ZNF561: variants seen among roughly 807,000 people sequenced by gnomAD.
ZNF561 encodes zinc finger protein 561.
ZNF561 carries 16 observed loss-of-function variants against 16.7 expected under a neutral mutation model. The observed-to-expected ratio is 0.96, with a 90% CI of 0.65 to 1.45. The LOEUF is 1.45. ZNF561 is among the 40% of genes most tolerant of loss of function. The pLI, the probability that ZNF561 is intolerant of heterozygous loss-of-function variation, is 0.00. For synonymous variants in ZNF561, 190 were observed against 192.1 expected, an observed-to-expected ratio of 0.99 and a Z score of 0.09; for missense variants, 580 against 578.0, an observed-to-expected ratio of 1.00 and a Z score of -0.04.
intron 2 of ZNF561, among the ~76,000 whole-genome samples, chr19:9,618,725 C>CAA (rs879286327): frequency 1.5e-5 from 2 of 131,248 alleles, no homozygotes; most frequent in Non-Finnish European, 3.3e-5. Flanking sequence ...GACTCCGTCT[C>CAA]AAAAAAAAAA....
chr19:9,613,426 A>T (rs2074497162), intron 5 of ZNF561, among the ~76,000 whole-genome samples: 2 of 151,690 alleles, frequency 1.3e-5, no homozygotes, highest in African/African-American at 4.8e-5. Context: ...TAGAGATAAG[A>T]GTTTCATTAC....
rs1568230680 is a variant in ZNF561 at position 9,611,187 on chromosome 19, C to A, written c.474G>T (p.Val158=). 2 of 1,613,952 alleles carry A rather than the reference C, an allele frequency of 1.2e-6. No individual in the cohort carries two copies. The highest frequency in any genetic ancestry group is 1.7e-6 in the Non-Finnish European group (2 of 1,179,862). ...CCTGTCCAGTAGAGGCTTCCTTGTG[C>A]ACACTGAGGGTGTCTTTTCCATAAC... ...GNCYGKDTLS[V]HKEASTGQEL... The change falls in exon 6 of 6, where the codon GTG becomes GTT. Residue 158 remains valine, a synonymous_variant. Coordinates refer to ENST00000302851, the MANE Select transcript of ZNF561 (RefSeq NM_152289.3).
chr19:9,608,894 G>GC lies in ZNF561; in HGVS notation c.*1305dup, dbSNP rs1212503555. On this transcript the variant is annotated 3_prime_UTR_variant, in exon 6 of 6. Transcript: ENST00000302851. ...TTACAGGAAAATGTGCTCAGAACAG[G>GC]CCCCCCAAATTTGGACATAAACAGG... The GC allele has an allele frequency of 6.6e-6, 1 of 152,042 alleles. No homozygotes were observed. Among genetic ancestry groups the GC allele is most frequent in the Non-Finnish European group, 1.5e-5 (1 of 68,022 alleles). The allele number at this position is 152,042 out of a possible 1,614,324, so 9.4% of individuals were successfully genotyped here.
At chr19:9,614,801 T>C (rs1040871993) in intron 4 of ZNF561, among the ~76,000 whole-genome samples, 14 of 151,424 alleles carry the variant, frequency 9.2e-5, no homozygotes, top group Admixed American at 1.3e-4. Context: ...CTGAGAAAAA[T>C]AGCTTAAATC....
chr19:9,613,660 G>A (rs1176307404), intron 5 of ZNF561, among the ~76,000 whole-genome samples: 1 of 152,140 alleles, frequency 6.6e-6, no homozygotes, highest in South Asian at 2.1e-4. Flanking sequence ...TGGTATGACA[G>A]GTGCCCACCA....
chr19:9,614,650 C>T (rs79820186), intron 4 of ZNF561, among the ~76,000 whole-genome samples: 2,690 of 151,714 alleles, frequency 0.018, 76 homozygotes, highest in African/African-American at 0.062. Flanking sequence ...AGTAGATTTT[C>T]GGGAAAGGAA....
At chr19:9,616,915 C>T in intron 4 of ZNF561, 130 bp downstream of exon 4, 1 of 1,282,824 alleles carries the variant, frequency 7.8e-7, no homozygotes, top group Non-Finnish European at 1.0e-6. Flanking sequence ...TTTTAAGAGA[C>T]AAGGTATCAC....
Position 9,611,290 on chromosome 19 carries a change from C to T in ZNF561, c.371G>A (p.Gly124Glu). 6.2e-7 allele frequency: 1 copy of T among 1,613,778 alleles called. No homozygotes were observed. The highest frequency in any genetic ancestry group is 8.5e-7 in the Non-Finnish European group (1 of 1,179,714). Residue 124 changes from glycine to glutamate, a missense_variant, in exon 6 of 6, where the codon GGA (glycine) becomes GAA (glutamate). By Grantham distance (98) the Gly-to-Glu change is moderately conservative (BLOSUM62 -2). Transcript: ENST00000302851. ...GCAAAACTGTTCCCTGAAGACCTCT[C>T]CACAATTCTTACAGTCACAGAGTTT... ...GWKLCDCKNCGEVFREQFCLK... is the reference protein window; with the variant it reads ...GWKLCDCKNCEEVFREQFCLK...
chr19:9,618,523 G>A (rs767459110), intron 2 of ZNF561, among the ~76,000 whole-genome samples: 3 of 151,062 alleles, frequency 2.0e-5, no homozygotes, highest in South Asian at 2.1e-4. Context: ...TCAGGAGAAC[G>A]AGACCATCCT....
intron 3 of ZNF561, 65 bp downstream of exon 3, chr19:9,618,026 A>G (rs2074589510): frequency 7.0e-7 from 1 of 1,435,384 alleles, no homozygotes; most frequent in Admixed American, 2.0e-5. Flanking sequence ...TCTGTCTAGA[A>G]AGAAATCTGT....
At chr19:9,620,572 T>C (rs1599240912) in intron 1 of ZNF561, among the ~76,000 whole-genome samples, 1 of 152,036 alleles carries the variant, frequency 6.6e-6, no homozygotes, top group East Asian at 1.9e-4. Flanking sequence ...CAAACAACCC[T>C]AGTAGTCGGT....
chr19:9,610,978 T>G lies in ZNF561; in HGVS notation c.683A>C (p.Gln228Pro). The change falls in exon 6 of 6, where the codon CAG becomes CCG. Residue 228 changes from glutamine (Q) to proline (P), a missense_variant. Transcript: ENST00000302851. ...IHTDEKLCEF[Q>P]EYGRAVTASS... ...AGCTGTGACAGCTCTCCCATATTCC[T>G]GAAATTCACAGAGTTTCTCATCAGT... 1 of 1,614,202 alleles carries G rather than the reference T, an allele frequency of 6.2e-7. No individual in the cohort carries two copies. Among genetic ancestry groups the G allele is most frequent in the Non-Finnish European group, 8.5e-7 (1 of 1,180,026 alleles).
chr19:9,614,700 TAA>T (rs1277795275), intron 4 of ZNF561, among the ~76,000 whole-genome samples: 3 of 152,142 alleles, frequency 2.0e-5, no homozygotes, highest in Non-Finnish European at 4.4e-5. Context: ...ATCAGAATGA[TAA>T]AGTTAACAAA....
In ZNF561 at chr19:9,610,361, A is replaced by G; in HGVS notation, c.1300T>C (p.Ser434Pro). Residue 434 changes from serine to proline, a missense_variant, in exon 6 of 6, where the codon TCA becomes CCA. Physicochemically the swap from Ser to Pro is moderately conservative, Grantham distance 74. Transcript: ENST00000302851. ...KICGKAFLYS[S>P]RLNVHLRTHT... The stretch of plus-strand genomic sequence containing the variant: ...GTTCGCAGGTGAACATTAAGGCGTG[A>G]GGAATATAGAAATGCTTTCCCACAT... 1 of 1,614,218 alleles carries G rather than the reference A, an allele frequency of 6.2e-7. No individual in the cohort carries two copies. Among genetic ancestry groups the G allele is most frequent in the Non-Finnish European group, 8.5e-7 (1 of 1,180,032 alleles).
chr19:9,614,840 CTTTTT>C (rs779251988), intron 4 of ZNF561, among the ~76,000 whole-genome samples: 1 of 137,582 alleles, frequency 7.3e-6, no homozygotes. Context: ...CTTTAAAAAT[CTTTTT>C]TTTTTTTTTT....
intron 4 of ZNF561, among the ~76,000 whole-genome samples, chr19:9,615,559 C>G (rs2074539182): frequency 6.6e-6 from 1 of 151,864 alleles, no homozygotes; most frequent in Non-Finnish European, 1.5e-5. Context: ...GATTGCACCA[C>G]CGCACTCCAG....
intron 5 of ZNF561, among the ~76,000 whole-genome samples, chr19:9,612,509 C>T (rs1430388787): frequency 1.3e-5 from 2 of 152,152 alleles, no homozygotes; most frequent in African/African-American, 4.8e-5. Flanking sequence ...TGAGCCACCA[C>T]ACCCAGCCTC....
intron 3 of ZNF561, 90 bp from the exon 4 acceptor site, chr19:9,617,261 T>C (rs2074572331): frequency 6.8e-7 from 1 of 1,474,902 alleles, no homozygotes; most frequent in Non-Finnish European, 9.0e-7. Flanking sequence ...TATACTCACT[T>C]ACACGTGGTT....
rs183325592 is a variant in ZNF561 at position 9,619,623 on chromosome 19, G to T, written c.-126-41C>A. On this transcript the variant is annotated intron_variant, in intron 1 of 5. Transcript: ENST00000302851. ...ATCAAACAACAAGCATGAAACATCA[G>T]TCATCAAACATTATGCCTGAGCTTT... 222 of 545,084 alleles carry T rather than the reference G, an allele frequency of 4.1e-4. 3 individuals carry two copies. In the Middle Eastern group the frequency reaches 6.1e-3, roughly 15 times the overall value. 33.8% of individuals were successfully genotyped at this position (545,084 alleles called of 1,614,324 possible).
Sources: gnomAD v4.1 joint callset for allele counts (sites outside exome capture counted in the v4.1 genomes callset) on GRCh38, gnomAD v4.1.1 for gene constraint, MANE v1.5 for transcripts, NCBI Gene and HGNC (gene_info 2026-07-23, HGNC 2026-07-21) for gene names.